Variants in EML1 observed in about 807,000 individuals in gnomAD.
The protein encoded by EML1 is echinoderm microtubule-associated protein-like 1.
EML1 carries 27 observed loss-of-function variants against 110.4 expected under a neutral mutation model. That is an observed-to-expected ratio of 0.24 (90% CI 0.18 to 0.34). The LOEUF (loss-of-function observed/expected upper bound fraction) is 0.34. EML1 is among the 10% of genes least tolerant of loss of function. The pLI is 1.00. For missense variants in EML1, 741 were observed against 1,030.9 expected, an observed-to-expected ratio of 0.72 and a Z score of 3.85; for synonymous variants, 344 against 385.8, an observed-to-expected ratio of 0.89 and a Z score of 1.27.
chr14:99,754,676 C>T (rs950701700), intron 1 of EML1, among the ~76,000 whole-genome samples: 24 of 152,332 alleles, frequency 1.6e-4, no homozygotes, highest in Middle Eastern at 3.4e-3. Flanking sequence ...CTTGGCACCC[C>T]GGCACAGGGC....
chr14:99,835,533 T>C (rs2058526046), intron 1 of EML1, among the ~76,000 whole-genome samples: 1 of 152,216 alleles, frequency 6.6e-6, no homozygotes, highest in Non-Finnish European at 1.5e-5. Flanking sequence ...TTTTCTTAAG[T>C]GGATGCTGAG....
At chr14:99,771,561 T>C (rs931839872), upstream of EML1, among the ~76,000 whole-genome samples, 18 of 152,196 alleles carry the variant, frequency 1.2e-4, no homozygotes, top group Non-Finnish European at 2.5e-4. Flanking sequence ...CCTATATTCC[T>C]AGCACTTTGG....
At chr14:99,844,157 C>T (rs2058672460) in intron 1 of EML1, among the ~76,000 whole-genome samples, 1 of 152,120 alleles carries the variant, frequency 6.6e-6, no homozygotes, top group Non-Finnish European at 1.5e-5. Flanking sequence ...TAATAGCAAC[C>T]AATCCCAACA....
chr14:99,928,286 T>A (rs933723294), intron 17 of EML1, among the ~76,000 whole-genome samples: 2 of 144,052 alleles, frequency 1.4e-5, no homozygotes, highest in Non-Finnish European at 3.1e-5. Context: ...GGATTGAAGT[T>A]TATTTGCTGT....
Position 99,939,580 on chromosome 14 carries a change from C to T in EML1, c.2322+253C>T, listed in dbSNP as rs955613188. Among the ~76,000 whole-genome samples, 4 of 152,176 alleles carry T rather than the reference C, an allele frequency of 2.6e-5. No individual in the cohort carries two copies. The highest frequency in any genetic ancestry group is 7.2e-5 in the African/African-American group (3 of 41,432). On this transcript the variant is annotated intron_variant, in intron 21 of 21. Transcript: ENST00000262233. This position sits in a 1 kb window ranked among gnomAD's most constrained non-coding sequence, Gnocchi z 4.2. Reference sequence around the variant, plus strand: ...CACAGGCTCACGACCCCGCCCTCCCCCACGGCTCCCTTGCTCCGGCCCTGC... The same window carrying T: ...CACAGGCTCACGACCCCGCCCTCCCTCACGGCTCCCTTGCTCCGGCCCTGC...
intron 17 of EML1, among the ~76,000 whole-genome samples, chr14:99,928,693 C>T (rs1217307866): frequency 7.9e-5 from 12 of 152,150 alleles, no homozygotes. Flanking sequence ...TATTTTATAA[C>T]CTTATTGACA....
chr14:99,889,682 C>A (rs2139980860), intron 4 of EML1, among the ~76,000 whole-genome samples: 1 of 152,208 alleles, frequency 6.6e-6, no homozygotes, highest in East Asian at 1.9e-4. Context: ...TGACACGGAG[C>A]CTGCTGGGCC....
intron 4 of EML1, among the ~76,000 whole-genome samples, chr14:99,885,377 T>G (rs1400793978): frequency 1.3e-5 from 2 of 152,194 alleles, no homozygotes; most frequent in Non-Finnish European, 2.9e-5. Flanking sequence ...AACACAGTGT[T>G]AAATATTGGT....
At chr14:99,821,914 A>T (rs1221079123) in intron 1 of EML1, among the ~76,000 whole-genome samples, 1 of 152,204 alleles carries the variant, frequency 6.6e-6, no homozygotes, top group Non-Finnish European at 1.5e-5. Flanking sequence ...AGATAGCTAG[A>T]GTGTTTGTTC....
chr14:99,821,633 T>C (rs1048506920), intron 1 of EML1, among the ~76,000 whole-genome samples: 2 of 152,220 alleles, frequency 1.3e-5, no homozygotes, highest in Non-Finnish European at 2.9e-5. Context: ...CATCCAGGGC[T>C]CTTTCCATTT....
chr14:99,749,342 C>CCG lies in EML1; in HGVS notation c.28+11483_28+11484insGC, dbSNP rs906014974. ...CACCTGTTACTGTCTTCTCGCCCCC[C>CCG]CAGCCATCCTAGTGGTGTGAAGTGG... On this transcript the variant is annotated intron_variant, in intron 1 of 10. Coordinates refer to the EML1 transcript ENST00000554479. 2.9e-3 allele frequency among the ~76,000 whole-genome samples: 444 copies of CCG among 152,292 alleles called. 1 individual carries two copies. The highest frequency in any genetic ancestry group is 0.01 in the African/African-American group (422 of 41,566).
At chr14:99,923,643 C>CGGATACTCAG (rs1566940212) in intron 17 of EML1, among the ~76,000 whole-genome samples, 1 of 51,650 alleles carries the variant, frequency 1.9e-5, no homozygotes, top group Non-Finnish European at 3.1e-5. Flanking sequence ...GTTCTGCCCC[C>CGGATACTCAG]TTCACCTGTG....
At chr14:99,785,617 T>C (rs974939009) in intron 1 of EML1, among the ~76,000 whole-genome samples, 3 of 152,204 alleles carry the variant, frequency 2.0e-5, no homozygotes, top group Non-Finnish European at 4.4e-5. Flanking sequence ...ATACGTTTGA[T>C]ATTAATATCG....
At chr14:99,892,120 C>A in intron 5 of EML1, 1 of 985,406 alleles carries the variant, frequency 1.0e-6, no homozygotes, top group Non-Finnish European at 1.2e-6. Flanking sequence ...TTGCAGTACT[C>A]CACCGTCTCT....
In EML1 at chr14:99,893,352, G is replaced by A. The variant is rs2059619553; in HGVS notation, c.548-1277G>A. On this transcript the variant is annotated intron_variant, in intron 5 of 21. Transcript: ENST00000262233. ...CAGCCTGTGGTGATGGGGCCCCAGTGCACCTGGGGAAGTTGGCACCAGTGT... is the reference window on the plus strand; with the variant it reads ...CAGCCTGTGGTGATGGGGCCCCAGTACACCTGGGGAAGTTGGCACCAGTGT... 2.6e-5 allele frequency among the ~76,000 whole-genome samples: 4 copies of A among 152,298 alleles called. 1 individual carries two copies. The South Asian group carries it at 8.3e-4, about 32-fold the overall frequency.
chr14:99,743,669 C>T (rs1417754617), intron 1 of EML1, among the ~76,000 whole-genome samples: 1 of 152,172 alleles, frequency 6.6e-6, no homozygotes, highest in Admixed American at 6.5e-5. Flanking sequence ...ACTCGGCACA[C>T]GAACCTCCAG....
intron 2 of EML1, among the ~76,000 whole-genome samples, chr14:99,864,668 T>C (rs561120920): frequency 5.9e-4 from 90 of 152,110 alleles, no homozygotes; most frequent in African/African-American, 2.0e-3. Context: ...AAAAATTAGC[T>C]GGGCATGGTA....
At chr14:99,841,949 C>T (rs1185642509) in intron 1 of EML1, among the ~76,000 whole-genome samples, 1 of 152,082 alleles carries the variant, frequency 6.6e-6, no homozygotes, top group African/African-American at 2.4e-5. Context: ...TTTAGAAAAC[C>T]CAAGAGGTAA....
chr14:99,933,268 C>A (rs146983679), intron 17 of EML1, among the ~76,000 whole-genome samples: 2 of 152,148 alleles, frequency 1.3e-5, no homozygotes, highest in African/African-American at 2.4e-5. Context: ...CTCTGCCTCC[C>A]GAGTTCAAGT....
Sources: gnomAD v4.1 joint callset for allele counts (sites outside exome capture counted in the v4.1 genomes callset) on GRCh38, gnomAD v4.1.1 for gene constraint, Gnocchi (gnomAD v3.1) non-coding constraint, MANE v1.5 for transcripts, NCBI Gene and HGNC (gene_info 2026-07-23, HGNC 2026-07-21) for gene names.